KCNN2: variants seen among roughly 807,000 people sequenced by gnomAD.
KCNN2 encodes the protein small conductance calcium-activated potassium channel protein 2.
In KCNN2, 24 loss-of-function variants were observed where a neutral mutation model predicts 55.5. That is an observed-to-expected ratio of 0.43 (90% CI 0.31 to 0.61). The LOEUF (loss-of-function observed/expected upper bound fraction) is 0.61, where lower values mean the gene tolerates loss of function less well. KCNN2 is among the 20% of genes least tolerant of loss of function. The pLI is 0.08. For missense variants in KCNN2, 754 were observed against 853.6 expected, an observed-to-expected ratio of 0.88 and a Z score of 1.45; for synonymous variants, 431 against 336.1, an observed-to-expected ratio of 1.28 and a Z score of -3.09.
intron 1 of KCNN2, among the ~76,000 whole-genome samples, chr5:114,057,709 A>T (rs761463483): frequency 2.6e-5 from 4 of 152,216 alleles, no homozygotes; most frequent in Admixed American, 6.5e-5. Context: ...TGGTGAGTGG[A>T]CAGGGAAGTT....
intron 6 of KCNN2, among the ~76,000 whole-genome samples, chr5:114,488,736 G>T (rs1286583912): frequency 6.6e-6 from 1 of 152,074 alleles, no homozygotes; most frequent in Non-Finnish European, 1.5e-5. Context: ...CTATTAGAGT[G>T]GTCTTCCCCT....
intron 2 of KCNN2, among the ~76,000 whole-genome samples, chr5:114,239,976 T>C (rs555877366): frequency 1.3e-5 from 2 of 152,316 alleles, no homozygotes; most frequent in African/African-American, 2.4e-5. Context: ...TCGTATATTA[T>C]TGAAATAATC....
chr5:114,123,351 ATTTTTTTTTTTTTT>A lies in KCNN2; in HGVS notation c.-271+66867_-271+66880del, dbSNP rs1172994171. Among the ~76,000 whole-genome samples, 2 of 65,006 alleles carry A rather than the reference ATTTTTTTTTTTTTT, an allele frequency of 3.1e-5. 1 individual carries two copies. Among genetic ancestry groups the A allele is most frequent in the African/African-American group, 1.5e-4 (2 of 13,106 alleles). The allele number at this position is 65,006 out of a possible 152,430, so 42.6% of individuals were successfully genotyped here. ...ATACTGTAAGAGGTACATTTTCTTAATTTTTTTTTTTTTTTTTTTTTTTTTTTTTGAGACAGAGT... is the reference window on the plus strand; with the variant it reads ...ATACTGTAAGAGGTACATTTTCTTAATTTTTTTTTTTTTTTGAGACAGAGT... On this transcript the variant is annotated intron_variant, in intron 1 of 10. Coordinates refer to the KCNN2 transcript ENST00000512097.
intron 1 of KCNN2, among the ~76,000 whole-genome samples, chr5:114,088,942 G>A (rs1225167862): frequency 6.6e-6 from 1 of 152,056 alleles, no homozygotes; most frequent in Non-Finnish European, 1.5e-5. Context: ...TTTAAATATT[G>A]TAATATCAGT....
intron 1 of KCNN2, among the ~76,000 whole-genome samples, chr5:114,110,046 C>T (rs182945651): frequency 6.6e-6 from 1 of 152,154 alleles, no homozygotes; most frequent in African/African-American, 2.4e-5. Flanking sequence ...TCTTGCCCTT[C>T]CTCCATGTGA....
At position 114,388,221 on chromosome 5, in the gene KCNN2, G is replaced by A. The variant is rs2150061770; in HGVS notation, c.1219-16217G>A. Among the ~76,000 whole-genome samples, 2 of 152,208 alleles carry A rather than the reference G, an allele frequency of 1.3e-5. 1 individual carries two copies. The highest frequency in any genetic ancestry group is 1.3e-4 in the Admixed American group (2 of 15,286). Reference sequence around the variant, plus strand: ...TCTGACATTATTTTGGGTTCGTAATGTTTTCACTGCTTCTATCTTTCTCCT... The same window carrying A: ...TCTGACATTATTTTGGGTTCGTAATATTTTCACTGCTTCTATCTTTCTCCT... On this transcript the variant is annotated intron_variant, in intron 2 of 7. Transcript: ENST00000673685.
chr5:114,458,175 T>G (rs1013426642), intron 3 of KCNN2, among the ~76,000 whole-genome samples: 6 of 152,224 alleles, frequency 3.9e-5, no homozygotes, highest in African/African-American at 1.4e-4. Context: ...ATTGATCACA[T>G]GCATTTACAT....
At chr5:114,398,468 T>C (rs899467077) in intron 2 of KCNN2, among the ~76,000 whole-genome samples, 2 of 151,282 alleles carry the variant, frequency 1.3e-5, no homozygotes, top group African/African-American at 4.9e-5. Flanking sequence ...GGTAATGTGA[T>C]GCTTCCAGTA....
chr5:114,165,751 T>C (rs901808242), intron 1 of KCNN2, among the ~76,000 whole-genome samples: 1 of 152,188 alleles, frequency 6.6e-6, no homozygotes, highest in East Asian at 1.9e-4. Context: ...TATAATAATA[T>C]AATACATGTA....
At chr5:114,393,278 T>G (rs2150064702) in intron 2 of KCNN2, among the ~76,000 whole-genome samples, 1 of 152,300 alleles carries the variant, frequency 6.6e-6, no homozygotes, top group South Asian at 2.1e-4. Flanking sequence ...CCAAGACATC[T>G]TATTTATTTT....
At chr5:114,074,974 C>T (rs1475124848) in intron 1 of KCNN2, among the ~76,000 whole-genome samples, 2 of 152,166 alleles carry the variant, frequency 1.3e-5, no homozygotes, top group Non-Finnish European at 2.9e-5. Context: ...TCCTGCTGAG[C>T]CACCAGACAC....
At chr5:114,173,932 T>G (rs1046011737) in intron 1 of KCNN2, among the ~76,000 whole-genome samples, 4 of 152,052 alleles carry the variant, frequency 2.6e-5, no homozygotes, top group African/African-American at 9.7e-5. Flanking sequence ...TTTTACTTTT[T>G]TTTGCACTCA....
At chr5:114,176,284 A>G (rs1016857288) in intron 1 of KCNN2, among the ~76,000 whole-genome samples, 5 of 152,162 alleles carry the variant, frequency 3.3e-5, no homozygotes, top group Admixed American at 6.5e-5. Flanking sequence ...CTGGTTGAGA[A>G]TCACCTCAGA....
Position 114,191,691 on chromosome 5 carries a change from AC to A in KCNN2, c.-270-29788del, listed in dbSNP as rs1424467761. ...GTAAACCACACTGGACATGCTGCTA[AC>A]TAAGAATGGTAAGGGATTAGGCATT... On this transcript the variant is annotated intron_variant, in intron 1 of 10. Transcript: ENST00000512097. Among the ~76,000 whole-genome samples, 7 of 152,310 alleles carry A rather than the reference AC, an allele frequency of 4.6e-5. No homozygotes were observed. The East Asian group carries it at 1.2e-3, about 25-fold the overall frequency.
At chr5:114,143,473 A>G (rs530321142) in intron 1 of KCNN2, among the ~76,000 whole-genome samples, 23 of 152,286 alleles carry the variant, frequency 1.5e-4, no homozygotes, top group Middle Eastern at 6.8e-3. Flanking sequence ...TTAACCCTAA[A>G]GAGGCCTAAA....
At chr5:114,149,809 AGG>A (rs1398499787) in intron 1 of KCNN2, among the ~76,000 whole-genome samples, 2 of 152,234 alleles carry the variant, frequency 1.3e-5, no homozygotes, top group Non-Finnish European at 2.9e-5. Context: ...CCATAGAAAC[AGG>A]ACGTGAAGCT....
intron 2 of KCNN2, among the ~76,000 whole-genome samples, chr5:114,288,230 T>C (rs1313273943): frequency 1.3e-5 from 2 of 152,200 alleles, no homozygotes. Context: ...TATACCACAA[T>C]TTGTTTAACA....
chr5:114,400,296 C>G (rs1758747255), intron 2 of KCNN2, among the ~76,000 whole-genome samples: 1 of 152,166 alleles, frequency 6.6e-6, no homozygotes, highest in African/African-American at 2.4e-5. Context: ...GTGAGCCAGA[C>G]AATTTGGTAT....
intron 1 of KCNN2, among the ~76,000 whole-genome samples, chr5:114,117,791 T>C (rs976180244): frequency 7.2e-5 from 11 of 152,212 alleles, no homozygotes; most frequent in Admixed American, 2.0e-4. Flanking sequence ...TGCAGGGCAC[T>C]GTGCCACATG....
Sources: allele counts gnomAD v4.1 joint callset (sites outside exome capture counted in the v4.1 genomes callset), GRCh38; gene constraint gnomAD v4.1.1; transcripts MANE v1.5; gene names NCBI Gene and HGNC (gene_info 2026-07-23, HGNC 2026-07-21).